TEAD2: variants seen among roughly 807,000 people sequenced by gnomAD.
The protein encoded by TEAD2 is transcriptional enhancer factor TEF-4.
Under a neutral mutation model 61.4 loss-of-function variants are expected in TEAD2, and 51 were observed. The ratio of observed to expected loss-of-function variants is 0.83; its 90% CI spans 0.66 to 1.05. The LOEUF (loss-of-function observed/expected upper bound fraction) is 1.05. Ranked by LOEUF, TEAD2 falls within the 50% of genes least tolerant of loss-of-function variation. The pLI is 0.00. For synonymous variants in TEAD2, 244 were observed against 243.2 expected (o/e 1.00, Z -0.03); for missense variants, 509 against 600.0 (o/e 0.85, Z 1.58).
intron 3 of TEAD2, chr19:49,357,532 C>G (rs1443794176): frequency 1.7e-5 from 10 of 596,882 alleles, no homozygotes; most frequent in Non-Finnish European, 2.7e-5. Flanking sequence ...ATCCAGGCCT[C>G]CTTCCCCTCC....
intron 1 of TEAD2, 133 bp downstream of exon 1, chr19:49,362,200 T>A (rs995118471): frequency 2.6e-5 from 4 of 152,232 alleles, no homozygotes; most frequent in Non-Finnish European, 5.9e-5. Flanking sequence ...GAGTTCCCAC[T>A]CCTCACTGAG....
intron 4 of TEAD2, among the ~76,000 whole-genome samples, chr19:49,356,455 C>T (rs1972407844): frequency 6.6e-6 from 1 of 151,474 alleles, no homozygotes. Context: ...CCCCACACAC[C>T]CAGAAGGGGG....
chr19:49,356,165 C>A, intron 4 of TEAD2, 195 bp from the exon 5 acceptor site: 1 of 399,478 alleles, frequency 2.5e-6, no homozygotes, highest in South Asian at 1.4e-4. Flanking sequence ...GCTCCCTGCC[C>A]AGAAAGACAG....
At chr19:49,346,165 C>CAAA (rs10684078) in intron 10 of TEAD2, among the ~76,000 whole-genome samples, 542 of 44,330 alleles carry the variant, frequency 0.012, 5 homozygotes, top group African/African-American at 0.031. Flanking sequence ...AATTCCATCT[C>CAAA]AAAAAAAAAA....
chr19:49,353,240 A>C (rs1972138172), intron 7 of TEAD2, among the ~76,000 whole-genome samples: 1 of 152,056 alleles, frequency 6.6e-6, no homozygotes, highest in Non-Finnish European at 1.5e-5. Flanking sequence ...CTGGGATTAC[A>C]GGCGCACATC....
At chr19:49,352,185 G>A (rs73590114) in intron 7 of TEAD2, among the ~76,000 whole-genome samples, 3,533 of 152,148 alleles carry the variant, frequency 0.023, 154 homozygotes, top group African/African-American at 0.08. Flanking sequence ...TTCCAGGGAT[G>A]GAAATGTTCT....
intron 10 of TEAD2, among the ~76,000 whole-genome samples, chr19:49,346,361 T>A (rs1388825711): frequency 6.6e-6 from 1 of 151,052 alleles, no homozygotes; most frequent in Non-Finnish European, 1.5e-5. Flanking sequence ...GATTGCTACA[T>A]AAATACAGGA....
Position 49,359,647 on chromosome 19 carries a change from C to A in TEAD2, c.233-148G>T, listed in dbSNP as rs1248076879. On this transcript the variant is annotated intron_variant, in intron 2 of 12. Coordinates refer to ENST00000593945, the MANE Select transcript of TEAD2 (RefSeq NM_001256660.2). The surrounding 1 kb of genome is among the most constrained non-coding windows in gnomAD (Gnocchi z 4.1). ...TCCCCTCAGCTACGTGGAAGCCAGA[C>A]TGCTTGGGTTCAAATCCCAGCTCCA... is the stretch of plus-strand genomic sequence containing the variant. 4 of 1,092,378 alleles carry A rather than the reference C, an allele frequency of 3.7e-6. No homozygotes were observed. The African/African-American group carries it at 6.2e-5, about 17-fold the overall frequency. The allele number at this position is 1,092,378 out of a possible 1,614,324, so 67.7% of individuals were successfully genotyped here.
At chr19:49,356,112 C>A (rs1258371551) in intron 4 of TEAD2, 142 bp from the exon 5 acceptor site, 16 of 595,372 alleles carry the variant, frequency 2.7e-5, no homozygotes, top group Middle Eastern at 4.8e-4. Flanking sequence ...GGGATGGATG[C>A]GCAACAGGAA....
intron 6 of TEAD2, 51 bp from the exon 7 acceptor site, chr19:49,355,257 C>CAGCCCCATCCA: frequency 6.2e-7 from 1 of 1,612,970 alleles, no homozygotes; most frequent in Non-Finnish European, 8.5e-7. Context: ...TGGACAGCTG[C>CAGCCCCATCCA]AGCCCCATCC....
intron 7 of TEAD2, among the ~76,000 whole-genome samples, chr19:49,354,015 G>A (rs1013131069): frequency 6.7e-6 from 1 of 149,414 alleles, no homozygotes; most frequent in South Asian, 2.1e-4. Context: ...GGCCAGAATG[G>A]TCTCGATCTC....
chr19:49,349,462 CAAAA>C (rs754141778), intron 8 of TEAD2, among the ~76,000 whole-genome samples: 1 of 97,490 alleles, frequency 1.0e-5, no homozygotes, highest in Non-Finnish European at 2.2e-5. Flanking sequence ...GACTCTGTCT[CAAAA>C]AAAAAAAAAA....
chr19:49,343,193 C>CCAAGTGCT, intron 11 of TEAD2, 38 bp downstream of exon 11: 1 of 1,579,882 alleles, frequency 6.3e-7, no homozygotes, highest in South Asian at 1.2e-5. Flanking sequence ...TTCTGCACCC[C>CCAAGTGCT]CAAGTGCTGA....
chr19:49,357,285 T>C lies in TEAD2; in HGVS notation c.327A>G (p.Arg109=), dbSNP rs1408242023. 6.2e-7 allele frequency: 1 copy of C among 1,613,428 alleles called. No homozygotes were observed. The highest frequency in any genetic ancestry group is 2.2e-5 in the East Asian group (1 of 44,806). ...TGGACTGGATTTCCCTTGATTTCCT[T>C]CGGGCCAAAACCTGGATGTGACTAG... ...QVSSHIQVLA[R]RKSREIQSKL... The change falls in exon 4 of 13, where the codon CGA becomes CGG. Residue 109 remains arginine (R), a synonymous_variant. Transcript: ENST00000593945.
chr19:49,349,071 A>C, intron 8 of TEAD2: 2 of 451,760 alleles, frequency 4.4e-6, no homozygotes, highest in Non-Finnish European at 7.5e-6. Flanking sequence ...TGAATGAAAA[A>C]GACAGAACTT....
intron 7 of TEAD2, among the ~76,000 whole-genome samples, chr19:49,352,891 C>A (rs192153090): frequency 5.9e-5 from 9 of 151,992 alleles, no homozygotes; most frequent in African/African-American, 2.2e-4. Flanking sequence ...TCTCCTCCCC[C>A]GCCCACCAAA....
At chr19:49,342,355 G>A (rs1971348284) in intron 12 of TEAD2, 83 bp downstream of exon 12, 3 of 1,531,978 alleles carry the variant, frequency 2.0e-6, no homozygotes, top group Non-Finnish European at 2.7e-6. Context: ...CCTGGGTGAG[G>A]AGATCCCCTA....
At chr19:49,351,254 C>A (rs368041315) in intron 8 of TEAD2, 47 bp downstream of exon 8, 2 of 1,559,214 alleles carry the variant, frequency 1.3e-6, no homozygotes, top group African/African-American at 1.4e-5. Flanking sequence ...CAGTAGGGGT[C>A]GAAGAGAGAG....
In TEAD2 at chr19:49,345,592, G is replaced by A. The variant is rs1052725784; in HGVS notation, c.921+1598C>T. Among the ~76,000 whole-genome samples the A allele has an allele frequency of 1.2e-4, 19 of 152,030 alleles. No individual in the cohort carries two copies. In the East Asian group the frequency reaches 1.5e-3, roughly 12 times the overall value. The stretch of plus-strand genomic sequence containing the variant: ...TGGTGTCAAACTCTTGAACACAAGC[G>A]AAACTCTCGCCTCAGCTTCCCAAAG... On this transcript the variant is annotated intron_variant, in intron 10 of 12. Transcript: ENST00000593945.
Sources: gnomAD v4.1 joint callset for allele counts (sites outside exome capture counted in the v4.1 genomes callset) on GRCh38, gnomAD v4.1.1 for gene constraint, Gnocchi (gnomAD v3.1) non-coding constraint, MANE v1.5 for transcripts, NCBI Gene and HGNC (gene_info 2026-07-23, HGNC 2026-07-21) for gene names.